TSHZ2: variants seen among roughly 807,000 people sequenced by gnomAD.
The protein encoded by TSHZ2 is teashirt zinc finger homeobox 2.
A neutral mutation model predicts 74.4 loss-of-function variants in TSHZ2; 21 were observed. The observed-to-expected ratio is 0.28, with a 90% CI of 0.20 to 0.41. The LOEUF (loss-of-function observed/expected upper bound fraction) is 0.41, where lower values mean the gene tolerates loss of function less well. Among genes scored for constraint, TSHZ2 ranks in the 10% least tolerant of loss-of-function variants. The pLI, the probability that TSHZ2 is intolerant of heterozygous loss-of-function variation, is 1.00. For synonymous variants in TSHZ2, 540 were observed against 515.3 expected (o/e 1.05, Z -0.65); for missense variants, 1,244 against 1,293.5 (o/e 0.96, Z 0.59).
chr20:53,157,110 C>T (rs1987813386), intron 1 of TSHZ2, among the ~76,000 whole-genome samples: 1 of 152,186 alleles, frequency 6.6e-6, no homozygotes, highest in African/African-American at 2.4e-5. Flanking sequence ...GAAACTCCTC[C>T]AAACATCTAC....
chr20:53,035,230 G>A (rs960777045), intron 1 of TSHZ2, among the ~76,000 whole-genome samples: 1 of 152,100 alleles, frequency 6.6e-6, no homozygotes, highest in Non-Finnish European at 1.5e-5. Context: ...TTGCTGCTGG[G>A]TGCCTTGATC....
At chr20:53,223,546 C>A (rs1989612110) in intron 1 of TSHZ2, among the ~76,000 whole-genome samples, 1 of 152,078 alleles carries the variant, frequency 6.6e-6, no homozygotes, top group African/African-American at 2.4e-5. Context: ...TATGTGCCAC[C>A]ACTTCAGGCT....
At chr20:53,041,205 C>T (rs1416180429) in intron 1 of TSHZ2, among the ~76,000 whole-genome samples, 1 of 152,172 alleles carries the variant, frequency 6.6e-6, no homozygotes, top group African/African-American at 2.4e-5. Context: ...TCCAAAAGGC[C>T]GGGGAGGCCT....
chr20:53,342,161 C>CA (rs758766011), intron 2 of TSHZ2, among the ~76,000 whole-genome samples: 7 of 152,110 alleles, frequency 4.6e-5, no homozygotes, highest in Non-Finnish European at 8.8e-5. Flanking sequence ...TATTATGAAC[C>CA]AAAATCCATA....
At chr20:53,045,529 C>T (rs1459439084) in intron 1 of TSHZ2, among the ~76,000 whole-genome samples, 1 of 152,224 alleles carries the variant, frequency 6.6e-6, no homozygotes, top group East Asian at 1.9e-4. Flanking sequence ...TTAGACGAGA[C>T]ATTTCCCCCT....
chr20:53,389,852 G>A (rs565050159), intron 2 of TSHZ2, among the ~76,000 whole-genome samples: 9 of 152,310 alleles, frequency 5.9e-5, no homozygotes, highest in East Asian at 1.9e-4. Context: ...GACTATCCCC[G>A]ACAACAAAGA....
rs562155718 is a variant in TSHZ2 at position 53,488,776 on chromosome 20, G to C, written c.*1641G>C. On this transcript the variant is annotated 3_prime_UTR_variant, in exon 3 of 3. Coordinates refer to ENST00000371497, the MANE Select transcript of TSHZ2 (RefSeq NM_173485.6). Reference sequence around the variant, plus strand: ...CTCTTCCTCACCATTTCTCAAGGAGGCTGCCTGTTGGAATTGTTTTGGAAA... The same window carrying C: ...CTCTTCCTCACCATTTCTCAAGGAGCCTGCCTGTTGGAATTGTTTTGGAAA... The C allele has an allele frequency of 3.1e-6, 1 of 319,808 alleles. No homozygotes were observed. Among genetic ancestry groups the C allele is most frequent in the Admixed American group, 4.4e-5 (1 of 22,594 alleles). The allele number at this position is 319,808 out of a possible 1,614,324, so 19.8% of individuals were successfully genotyped here.
chr20:53,117,245 T>C (rs1301224442), intron 1 of TSHZ2, among the ~76,000 whole-genome samples: 1 of 152,130 alleles, frequency 6.6e-6, no homozygotes, highest in South Asian at 2.1e-4. Context: ...GTAAGCTCCA[T>C]ATAGAGGTTC....
intron 1 of TSHZ2, among the ~76,000 whole-genome samples, chr20:53,068,311 C>G (rs182002615): frequency 1.3e-5 from 2 of 152,182 alleles, no homozygotes; most frequent in Admixed American, 6.5e-5. Flanking sequence ...GATCCCGAGT[C>G]CTGCTTGTCT....
Position 53,221,895 on chromosome 20 carries a change from G to A in TSHZ2, c.41-31604G>A, listed in dbSNP as rs184695998. Among the ~76,000 whole-genome samples the A allele has an allele frequency of 4.1e-4, 63 of 152,228 alleles. No individual in the cohort carries two copies. The South Asian group carries it at 0.011, about 27-fold the overall frequency. On this transcript the variant is annotated intron_variant, in intron 1 of 2. Transcript: ENST00000371497. ...AATACTTTACTGGGTTAGTGTTATA[G>A]TTCATTCAAATTACTCACAAACTAT...
intron 2 of TSHZ2, among the ~76,000 whole-genome samples, chr20:53,299,143 C>T (rs1991433333): frequency 6.6e-6 from 1 of 152,170 alleles, no homozygotes; most frequent in African/African-American, 2.4e-5. Context: ...AACTAGACCC[C>T]ATCTGTTCTA....
chr20:53,360,748 T>TA (rs1362933794), intron 2 of TSHZ2, among the ~76,000 whole-genome samples: 1 of 152,224 alleles, frequency 6.6e-6, no homozygotes, highest in Non-Finnish European at 1.5e-5. Context: ...AAGTATCTTA[T>TA]ACAAGGTACA....
intron 1 of TSHZ2, among the ~76,000 whole-genome samples, chr20:53,245,184 C>T (rs1485865701): frequency 1.3e-5 from 2 of 152,182 alleles, no homozygotes; most frequent in African/African-American, 4.8e-5. Context: ...GAAGCAGATA[C>T]TATTATTATT....
At chr20:53,299,634 A>G (rs1317451998) in intron 2 of TSHZ2, among the ~76,000 whole-genome samples, 3 of 152,222 alleles carry the variant, frequency 2.0e-5, no homozygotes, top group Non-Finnish European at 2.9e-5. Context: ...TGGCTTCACC[A>G]TATGTACAGA....
At chr20:53,116,296 T>C (rs1238879097) in intron 1 of TSHZ2, among the ~76,000 whole-genome samples, 1 of 152,218 alleles carries the variant, frequency 6.6e-6, no homozygotes, top group East Asian at 1.9e-4. Flanking sequence ...ACTGTGTAGC[T>C]CATTTTGTCT....
rs543622718 is a variant in TSHZ2 at position 53,010,144 on chromosome 20, C to A, written c.40+36811C>A. ...AACCACAAAGCCAGTCATTCAGGACCCATTGCCTCAGGCTGGATGCTGCAG... is the reference window on the plus strand; with the variant it reads ...AACCACAAAGCCAGTCATTCAGGACACATTGCCTCAGGCTGGATGCTGCAG... On this transcript the variant is annotated intron_variant, in intron 1 of 2. Coordinates refer to ENST00000371497, the MANE Select transcript of TSHZ2 (RefSeq NM_173485.6). Among the ~76,000 whole-genome samples the A allele has an allele frequency of 2.6e-5, 4 of 152,204 alleles. No individual in the cohort carries two copies. The South Asian group carries it at 6.3e-4, about 24-fold the overall frequency.
chr20:53,449,576 T>C (rs1984690748), intron 2 of TSHZ2, among the ~76,000 whole-genome samples: 1 of 152,206 alleles, frequency 6.6e-6, no homozygotes, highest in Admixed American at 6.5e-5. Flanking sequence ...TCTTAAGCAA[T>C]GTGTTGGTTA....
chr20:53,381,344 A>G (rs1248392167), intron 2 of TSHZ2, among the ~76,000 whole-genome samples: 1 of 152,222 alleles, frequency 6.6e-6, no homozygotes, highest in Non-Finnish European at 1.5e-5. Flanking sequence ...TTGCCAGTAA[A>G]TGTCTACCAC....
Position 53,448,434 on chromosome 20 carries a change from C to T in TSHZ2, c.*9-38710C>T, listed in dbSNP as rs377626150. ...GTAAGTTTCAGTTCCTGGATACTATCAGGGAGTCCTGAGGGTTGGTTTCCT... is the reference window on the plus strand; with the variant it reads ...GTAAGTTTCAGTTCCTGGATACTATTAGGGAGTCCTGAGGGTTGGTTTCCT... On this transcript the variant is annotated intron_variant, in intron 2 of 2. Coordinates refer to ENST00000371497, the MANE Select transcript of TSHZ2 (RefSeq NM_173485.6). Among the ~76,000 whole-genome samples, 37 of 152,232 alleles carry T rather than the reference C, an allele frequency of 2.4e-4. No homozygotes were observed. The East Asian group carries it at 6.4e-3, about 26-fold the overall frequency.
Sources: gnomAD v4.1 joint callset for allele counts (sites outside exome capture counted in the v4.1 genomes callset) on GRCh38, gnomAD v4.1.1 for gene constraint, MANE v1.5 for transcripts, NCBI Gene and HGNC (gene_info 2026-07-23, HGNC 2026-07-21) for gene names.